Variants in MPRIP observed in about 807,000 individuals in gnomAD.
MPRIP encodes myosin phosphatase Rho interacting protein.
MPRIP carries 59 observed loss-of-function variants against 234.9 expected under a neutral mutation model. The observed-to-expected ratio is 0.25, with a 90% confidence interval of 0.20 to 0.31. MPRIP has a LOEUF of 0.31. Ranked by LOEUF, MPRIP falls within the 10% of genes least tolerant of loss-of-function variation. MPRIP has a pLI of 1.00. For synonymous variants in MPRIP, 1,144 were observed against 1,263.9 expected (o/e 0.91, Z 2.01); for missense variants, 2,436 against 3,071.0 (o/e 0.79, Z 4.89).
At position 17,165,106 on chromosome 17, in the gene MPRIP, G is replaced by T. The variant is rs555708697; in HGVS notation, c.3515G>T (p.Arg1172Leu). 7.7e-7 allele frequency: 1 copy of T among 1,303,922 alleles called. No homozygotes were observed. Among genetic ancestry groups the T allele is most frequent in the African/African-American group, 1.5e-5 (1 of 65,872 alleles). The allele number at this position is 1,303,922 out of a possible 1,614,324, so 80.8% of individuals were successfully genotyped here. Residue 1172 changes from arginine (R) to leucine (L), a missense_variant, in exon 16 of 24, where the codon CGC (arginine) becomes CTC (leucine). Around this residue, in one of 4 missense-constraint regions of MPRIP, gnomAD observed 1,998 missense variants for 2,520.3 expected, o/e 0.79. Transcript: ENST00000651222. ...AGAGAGAAGGAGGAAGAGCTGGAGC[G>T]CATTAAGGAAGCACATGAGAAGGTT... is the stretch of plus-strand genomic sequence containing the variant. ...LLREKEEELE[R>L]IKEAHEKVLE...
At chr17:17,112,327 C>T (rs558409050) in intron 3 of MPRIP, among the ~76,000 whole-genome samples, 3 of 152,268 alleles carry the variant, frequency 2.0e-5, no homozygotes, top group South Asian at 2.1e-4. Context: ...CCTCCAAACC[C>T]GGCCTCCTTG....
rs549437018 is a variant in MPRIP, at chr17:17,139,805, C to T, written c.1250+1376C>T. Among the ~76,000 whole-genome samples the T allele has an allele frequency of 3.2e-4, 49 of 152,346 alleles. No homozygotes were observed. In the East Asian group the frequency reaches 9.1e-3, roughly 28 times the overall value. On this transcript the variant is annotated intron_variant, in intron 7 of 23. Transcript: ENST00000651222. ...TGAGAGGAAAATGACACGTTGACTT[C>T]CTAGGGAAAGGAAGGGCAGCCAAGT... is the stretch of plus-strand genomic sequence containing the variant.
intron 1 of MPRIP, among the ~76,000 whole-genome samples, chr17:17,049,962 G>T (rs1217193496): frequency 6.6e-6 from 1 of 152,216 alleles, no homozygotes; most frequent in Non-Finnish European, 1.5e-5. Context: ...GCCGAGACGG[G>T]CGGATCACGA....
At chr17:17,101,295 G>C (rs1047909954) in intron 3 of MPRIP, among the ~76,000 whole-genome samples, 4 of 152,224 alleles carry the variant, frequency 2.6e-5, no homozygotes, top group African/African-American at 9.6e-5. Context: ...GCCGGGCCTG[G>C]TGGCCCACAC....
At chr17:17,098,505 A>C (rs980402702) in intron 3 of MPRIP, among the ~76,000 whole-genome samples, 1 of 152,190 alleles carries the variant, frequency 6.6e-6, no homozygotes, top group Non-Finnish European at 1.5e-5. Context: ...CGAAAGGCTG[A>C]GTTTCCAGAG....
At chr17:17,156,135 A>G (rs2045723872) in intron 13 of MPRIP, among the ~76,000 whole-genome samples, 1 of 152,144 alleles carries the variant, frequency 6.6e-6, no homozygotes, top group Non-Finnish European at 1.5e-5. Context: ...TAGATTGGCA[A>G]TCCTGTCTGG....
intron 1 of MPRIP, among the ~76,000 whole-genome samples, chr17:17,069,564 T>C (rs1026774053): frequency 6.6e-6 from 1 of 152,046 alleles, no homozygotes; most frequent in Admixed American, 6.5e-5. Context: ...CAAAATATAG[T>C]TTTTTAAGTG....
At chr17:17,146,172 T>C in intron 10 of MPRIP, 80 bp downstream of exon 10, 1 of 1,297,004 alleles carries the variant, frequency 7.7e-7, no homozygotes, top group Non-Finnish European at 1.1e-6. Flanking sequence ...CCAGCCAGTC[T>C]GCAAGTGCTG....
At chr17:17,058,539 G>GGA (rs2088775737) in intron 1 of MPRIP, among the ~76,000 whole-genome samples, 1 of 150,718 alleles carries the variant, frequency 6.6e-6, no homozygotes, top group African/African-American at 2.4e-5. Flanking sequence ...GACCCAGGGA[G>GGA]GAGAGCTCCA....
intron 3 of MPRIP, among the ~76,000 whole-genome samples, chr17:17,125,205 A>T (rs1441014033): frequency 6.6e-6 from 1 of 152,216 alleles, no homozygotes; most frequent in Non-Finnish European, 1.5e-5. Context: ...CTGGGCTTGA[A>T]TGTGGCTCCT....
At position 17,145,238 on chromosome 17, in the gene MPRIP, A is replaced by G. The variant is rs186849198; in HGVS notation, c.1504-798A>G. 5.9e-5 allele frequency among the ~76,000 whole-genome samples: 9 copies of G among 152,348 alleles called. No homozygotes were observed. In the East Asian group the frequency reaches 1.3e-3, roughly 23 times the overall value. On this transcript the variant is annotated intron_variant, in intron 9 of 23. Coordinates refer to ENST00000651222, the MANE Select transcript of MPRIP (RefSeq NM_001364716.4). ...GCTTTGTTCTGGTAGTTATCCTGACAATTCTTGCCTGTTCTCACTCTCACT... is the reference window on the plus strand; with the variant it reads ...GCTTTGTTCTGGTAGTTATCCTGACGATTCTTGCCTGTTCTCACTCTCACT...
chr17:17,052,099 T>C (rs2088560062), intron 1 of MPRIP, among the ~76,000 whole-genome samples: 1 of 152,106 alleles, frequency 6.6e-6, no homozygotes. Flanking sequence ...GACCCTGAGT[T>C]TTCAGAGTGG....
chr17:17,173,500 G>C (rs1294021994), intron 18 of MPRIP, among the ~76,000 whole-genome samples: 1 of 152,244 alleles, frequency 6.6e-6, no homozygotes, highest in Non-Finnish European at 1.5e-5. Context: ...GGCCCTCCTG[G>C]ATCCAGGGTG....
At chr17:17,095,926 A>C (rs887864703) in intron 3 of MPRIP, among the ~76,000 whole-genome samples, 2 of 152,066 alleles carry the variant, frequency 1.3e-5, no homozygotes, top group African/African-American at 4.8e-5. Context: ...CTTCCCACTC[A>C]AAGTTTACTT....
rs184394186 is a variant in MPRIP, at chr17:17,174,589, C to T, written c.6750+514C>T. Among the ~76,000 whole-genome samples the T allele has an allele frequency of 1.8e-3, 275 of 152,282 alleles. 2 individuals are homozygous for T. The highest frequency in any genetic ancestry group is 5.2e-3 in the South Asian group (25 of 4,824). On this transcript the variant is annotated intron_variant, in intron 19 of 23. Transcript: ENST00000651222. ...CGGTGGCTCACGCCTGTAATCCCAG[C>T]GCTTTGGGAGGCCAAGACGGGCGGA...
At position 17,066,723 on chromosome 17, in the gene MPRIP, C is replaced by CTTTTTTTT. The variant is rs34804730; in HGVS notation, c.124-8948_124-8941dup. Among the ~76,000 whole-genome samples the CTTTTTTTT allele has an allele frequency of 5.2e-4, 19 of 36,686 alleles. 7 individuals are homozygous for CTTTTTTTT. Among genetic ancestry groups the CTTTTTTTT allele is most frequent in the Non-Finnish European group, 9.6e-4 (16 of 16,612 alleles). The allele number at this position is 36,686 out of a possible 152,430, so 24.1% of individuals were successfully genotyped here. On this transcript the variant is annotated intron_variant, in intron 1 of 23. Transcript: ENST00000651222. ...TCAAACCCACAGATACTTTTTTCAT[C>CTTTTTTTT]TTTTTTTTTTTTTTTTTTTTTTTTT... is the stretch of plus-strand genomic sequence containing the variant.
intron 23 of MPRIP, among the ~76,000 whole-genome samples, chr17:17,184,244 T>TA (rs1436051563): frequency 6.6e-6 from 1 of 152,244 alleles, no homozygotes; most frequent in Non-Finnish European, 1.5e-5. Flanking sequence ...TCTTACTAGA[T>TA]ACGTTGGCGT....
In MPRIP at chr17:17,186,068, T is replaced by C. The variant is rs1352402677; in HGVS notation, c.*1174T>C. On this transcript the variant is annotated 3_prime_UTR_variant, in exon 24 of 24. Coordinates refer to ENST00000651222, the MANE Select transcript of MPRIP (RefSeq NM_001364716.4). ...TGGCAATTCTTGAAAATCTCTTAAATTGGAGTCTATTATGGCCCCATGAAA... is the reference window on the plus strand; with the variant it reads ...TGGCAATTCTTGAAAATCTCTTAAACTGGAGTCTATTATGGCCCCATGAAA... 3 of 154,344 alleles carry C rather than the reference T, an allele frequency of 1.9e-5. No individual in the cohort carries two copies. Among genetic ancestry groups the C allele is most frequent in the Admixed American group, 1.3e-4 (2 of 15,422 alleles). The allele number at this position is 154,344 out of a possible 1,614,324, so 9.6% of individuals were successfully genotyped here. A position where few individuals can be genotyped will look rare whatever the true frequency, so the allele number is the denominator to read the frequency against.
chr17:17,145,079 T>C (rs1477884325), intron 9 of MPRIP, among the ~76,000 whole-genome samples: 2 of 152,106 alleles, frequency 1.3e-5, no homozygotes, highest in Admixed American at 6.5e-5. Flanking sequence ...TGGCAGGACG[T>C]TGGGGTTGAA....
Sources: gnomAD v4.1 joint callset for allele counts (sites outside exome capture counted in the v4.1 genomes callset) on GRCh38, gnomAD v4.1.1 for gene constraint, gnomAD v4.1.1 regional missense constraint, MANE v1.5 for transcripts, NCBI Gene and HGNC (gene_info 2026-07-23, HGNC 2026-07-21) for gene names.